ERBB4: variants seen among roughly 807,000 people sequenced by gnomAD.
ERBB4 encodes the protein erb-b2 receptor tyrosine kinase 4, also known as receptor tyrosine-protein kinase erbB-4.
ERBB4 carries 42 observed loss-of-function variants against 158.0 expected under a neutral mutation model. That is an observed-to-expected ratio of 0.27 (90% CI 0.21 to 0.34). The LOEUF (loss-of-function observed/expected upper bound fraction) is 0.34. ERBB4 is among the 10% of genes least tolerant of loss of function. The pLI is 1.00. For synonymous variants in ERBB4, 583 were observed against 558.7 expected, an observed-to-expected ratio of 1.04 and a Z score of -0.61; for missense variants, 1,333 against 1,624.1, an observed-to-expected ratio of 0.82 and a Z score of 3.08.
chr2:211,639,042 C>T (rs1297022361), intron 16 of ERBB4, among the ~76,000 whole-genome samples: 1 of 152,088 alleles, frequency 6.6e-6, no homozygotes, highest in Non-Finnish European at 1.5e-5. Flanking sequence ...ACGAATTACG[C>T]CAGGAAGAAC....
chr2:211,746,716 G>C (rs778368913), intron 5 of ERBB4, among the ~76,000 whole-genome samples: 12 of 151,678 alleles, frequency 7.9e-5, no homozygotes, highest in African/African-American at 2.9e-4. Flanking sequence ...TGTAATCCCA[G>C]CTACTTGTGA....
chr2:211,509,909 G>T (rs1455666650), intron 20 of ERBB4, among the ~76,000 whole-genome samples: 1 of 152,068 alleles, frequency 6.6e-6, no homozygotes, highest in Non-Finnish European at 1.5e-5. Context: ...TCTTACATCA[G>T]TCTGAATGGC....
At chr2:212,145,342 C>G (rs1240612883) in intron 1 of ERBB4, among the ~76,000 whole-genome samples, 1 of 149,444 alleles carries the variant, frequency 6.7e-6, no homozygotes, top group South Asian at 2.1e-4. Flanking sequence ...CTCCTTTTAC[C>G]TCATGATTAT....
rs187077838 is a variant in ERBB4, at chr2:211,829,909, T to G, written c.422-41750A>C. Among the ~76,000 whole-genome samples the G allele has an allele frequency of 1.5e-3, 225 of 152,326 alleles. 1 individual carries two copies. Among genetic ancestry groups the G allele is most frequent in the African/African-American group, 5.3e-3 (220 of 41,578 alleles). ...AAAATATACAAAATGCCTGGCACAT[T>G]CTGAATGGTCAGCAAATAGTAACAA... is the stretch of plus-strand genomic sequence containing the variant. On this transcript the variant is annotated intron_variant, in intron 3 of 27. Transcript: ENST00000342788.
chr2:211,782,011 T>C (rs2076049381), intron 4 of ERBB4, among the ~76,000 whole-genome samples: 2 of 152,168 alleles, frequency 1.3e-5, no homozygotes, highest in African/African-American at 4.8e-5. Context: ...GGTACGCTAT[T>C]CATAGACCTC....
At chr2:212,324,434 A>G (rs1574683621) in intron 1 of ERBB4, among the ~76,000 whole-genome samples, 1 of 149,356 alleles carries the variant, frequency 6.7e-6, no homozygotes. Context: ...TTTAACATTG[A>G]GAGTATAACG....
At chr2:212,335,162 G>A (rs1404439492) in intron 1 of ERBB4, among the ~76,000 whole-genome samples, 2 of 151,850 alleles carry the variant, frequency 1.3e-5, no homozygotes, top group South Asian at 2.1e-4. Flanking sequence ...ATTAGTACTG[G>A]TAGAGTCAGA....
chr2:211,436,838 A>C (rs2063865466), intron 20 of ERBB4, among the ~76,000 whole-genome samples: 1 of 152,190 alleles, frequency 6.6e-6, no homozygotes, highest in Admixed American at 6.5e-5. Flanking sequence ...GTCATATAAG[A>C]AGAAAGAAAA....
intron 1 of ERBB4, among the ~76,000 whole-genome samples, chr2:212,364,912 T>C (rs2089828274): frequency 8.2e-6 from 1 of 122,496 alleles, no homozygotes; most frequent in Non-Finnish European, 1.8e-5. Context: ...TGTGTGTGTG[T>C]GAGTGTGTGT....
chr2:212,441,042 C>G (rs1466222432), intron 1 of ERBB4, among the ~76,000 whole-genome samples: 1 of 152,136 alleles, frequency 6.6e-6, no homozygotes, highest in East Asian at 1.9e-4. Context: ...AGTGGCTGAT[C>G]TGCAACGAAA....
intron 3 of ERBB4, among the ~76,000 whole-genome samples, chr2:211,912,726 G>A (rs1054866254): frequency 6.6e-6 from 1 of 152,154 alleles, no homozygotes; most frequent in Non-Finnish European, 1.5e-5. Context: ...GCCATCTTTT[G>A]TAGAGAAAAT....
chr2:212,285,448 C>G (rs945326322), intron 1 of ERBB4, among the ~76,000 whole-genome samples: 3 of 151,382 alleles, frequency 2.0e-5, no homozygotes, highest in African/African-American at 7.3e-5. Flanking sequence ...CTAAGAGAGA[C>G]TGTAGCCAAA....
intron 3 of ERBB4, among the ~76,000 whole-genome samples, chr2:211,797,545 C>A (rs1428232002): frequency 6.6e-6 from 1 of 151,520 alleles, no homozygotes; most frequent in Non-Finnish European, 1.5e-5. Flanking sequence ...AAAGATAAAG[C>A]AAGAGAAAGA....
intron 4 of ERBB4, among the ~76,000 whole-genome samples, chr2:211,770,434 AG>A (rs1424987508): frequency 4.6e-5 from 7 of 152,318 alleles, no homozygotes; most frequent in Admixed American, 2.6e-4. Context: ...TTCGAAGAAA[AG>A]TTAATTATTC....
chr2:211,681,399 T>C (rs1396449787), intron 12 of ERBB4, among the ~76,000 whole-genome samples: 1 of 152,174 alleles, frequency 6.6e-6, no homozygotes, highest in Admixed American at 6.5e-5. Flanking sequence ...GGCTGGACAA[T>C]ATGGTAGGTA....
At chr2:211,410,969 C>A (rs141751863) in intron 25 of ERBB4, among the ~76,000 whole-genome samples, 1 of 152,120 alleles carries the variant, frequency 6.6e-6, no homozygotes, top group Non-Finnish European at 1.5e-5. Flanking sequence ...AGTACAGTGG[C>A]GTGATCTCGG....
intron 15 of ERBB4, 89 bp from the exon 16 acceptor site, chr2:211,657,917 A>G: frequency 1.2e-6 from 2 of 1,609,610 alleles, no homozygotes; most frequent in South Asian, 2.2e-5. Flanking sequence ...GGAGCCTTGG[A>G]GGAAGAACAT....
At chr2:212,288,372 C>G (rs2106171542) in intron 1 of ERBB4, among the ~76,000 whole-genome samples, 1 of 152,228 alleles carries the variant, frequency 6.6e-6, no homozygotes, top group South Asian at 2.1e-4. Context: ...TGTTAGTGTG[C>G]TTGAGGAACC....
At chr2:211,951,163 C>A (rs1448820865) in intron 2 of ERBB4, among the ~76,000 whole-genome samples, 2 of 152,088 alleles carry the variant, frequency 1.3e-5, no homozygotes, top group African/African-American at 4.8e-5. Flanking sequence ...GCTTCCATCC[C>A]ACTCAGGAAG....
Sources: gnomAD v4.1 joint callset for allele counts (sites outside exome capture counted in the v4.1 genomes callset) on GRCh38, gnomAD v4.1.1 for gene constraint, MANE v1.5 for transcripts, NCBI Gene and HGNC (gene_info 2026-07-23, HGNC 2026-07-21) for gene names.